STARD8: variants seen among roughly 807,000 people sequenced by gnomAD.
The protein encoded by STARD8 is StAR related lipid transfer domain containing 8.
In STARD8, 25 loss-of-function variants were observed where a neutral mutation model predicts 69.4. That is an observed-to-expected ratio of 0.36 (90% CI 0.26 to 0.50). The LOEUF (loss-of-function observed/expected upper bound fraction) is 0.50. Ranked by LOEUF, STARD8 falls within the 20% of genes least tolerant of loss-of-function variation. STARD8 has a pLI of 0.96. For synonymous variants in STARD8, 389 were observed against 374.6 expected, an observed-to-expected ratio of 1.04 and a Z score of -0.45; for missense variants, 921 against 932.5, an observed-to-expected ratio of 0.99 and a Z score of 0.16.
chrX:68,673,579 C>T (rs1328458997), intron 2 of STARD8, among the ~76,000 whole-genome samples: 1 of 112,151 alleles, frequency 8.9e-6, no homozygotes, highest in Non-Finnish European at 1.9e-5. Context: ...CCTTCCAGAA[C>T]CCCTACTGTT....
intron 2 of STARD8, among the ~76,000 whole-genome samples, chrX:68,683,055 C>T (rs926798710): frequency 2.7e-5 from 3 of 112,456 alleles, no homozygotes; most frequent in East Asian, 5.6e-4. Flanking sequence ...GCTGGACCAG[C>T]CCTGTGCATG....
In STARD8 at chrX:68,725,578, ATGTGTGTG is replaced by A. The variant is rs1175073695; in HGVS notation, c.*1170_*1177del. On this transcript the variant is annotated 3_prime_UTR_variant, in exon 15 of 15. Coordinates refer to ENST00000374599, the MANE Select transcript of STARD8 (RefSeq NM_001142503.3). ...CTAATATATATATATATATATATAT[ATGTGTGTG>A]TGTGTGTGTGTGTATATGTGTTTAT... is the stretch of plus-strand genomic sequence containing the variant. 1 of 94,950 alleles carries A rather than the reference ATGTGTGTG, an allele frequency of 1.1e-5. No homozygotes were observed. 7.8% of individuals were successfully genotyped at this position (94,950 alleles called of 1,213,427 possible). A position where few individuals can be genotyped will look rare whatever the true frequency, so the allele number is the denominator to read the frequency against.
intron 10 of STARD8, 118 bp from the exon 11 acceptor site, chrX:68,721,929 G>A: frequency 3.7e-6 from 3 of 814,153 alleles, no homozygotes; most frequent in East Asian, 6.9e-5. Flanking sequence ...AAGGCAGCAG[G>A]TTGTTTTGTG....
intron 2 of STARD8, among the ~76,000 whole-genome samples, chrX:68,673,243 G>C (rs369860428): frequency 8.9e-6 from 1 of 111,887 alleles, no homozygotes; most frequent in African/African-American, 3.3e-5. Context: ...CTGGCACTCA[G>C]AATCTTCAAT....
chrX:68,668,235 CCT>C (rs1491129733), intron 2 of STARD8, among the ~76,000 whole-genome samples: 3 of 66,019 alleles, frequency 4.5e-5, no homozygotes, highest in East Asian at 4.1e-4. Flanking sequence ...TCTTTTTTCT[CCT>C]CTTTCTTTCT....
intron 2 of STARD8, among the ~76,000 whole-genome samples, chrX:68,688,725 C>T (rs2079852704): frequency 9.0e-6 from 1 of 110,818 alleles, no homozygotes; most frequent in African/African-American, 3.3e-5. Context: ...AGTGGGGCAG[C>T]TTAGCCTCAG....
intron 2 of STARD8, among the ~76,000 whole-genome samples, chrX:68,686,674 C>T (rs2079834892): frequency 8.9e-6 from 1 of 112,951 alleles, no homozygotes; most frequent in African/African-American, 3.2e-5. Context: ...GGTTCCAGCC[C>T]GGTTTTCATC....
At chrX:68,650,702 G>T (rs980417158) in intron 1 of STARD8, among the ~76,000 whole-genome samples, 1 of 110,215 alleles carries the variant, frequency 9.1e-6, no homozygotes, top group Non-Finnish European at 1.9e-5. Flanking sequence ...TACTTGTGGG[G>T]CTGAGGCAGG....
At chrX:68,693,546 C>G in intron 2 of STARD8, 1 of 631,493 alleles carries the variant, frequency 1.6e-6, no homozygotes, top group Non-Finnish European at 1.9e-6. Context: ...GACTTTCTGG[C>G]GAGTCCGGTG....
chrX:68,656,881 T>A (rs1335920577), intron 1 of STARD8, among the ~76,000 whole-genome samples: 1 of 110,704 alleles, frequency 9.0e-6, no homozygotes. Context: ...GGGGGAGGGA[T>A]AGCATTAGGA....
intron 2 of STARD8, among the ~76,000 whole-genome samples, chrX:68,692,263 A>G (rs752397547): frequency 1.4e-3 from 161 of 112,141 alleles, no homozygotes; most frequent in African/African-American, 5.2e-3. Context: ...GCTAGAGGAT[A>G]CGAGGGGCAG....
At chrX:68,699,291 G>A (rs913516718) in intron 2 of STARD8, among the ~76,000 whole-genome samples, 2 of 112,388 alleles carry the variant, frequency 1.8e-5, no homozygotes, top group Non-Finnish European at 3.8e-5. Context: ...GACCTTTAGA[G>A]GGCACTAGGT....
In STARD8 at chrX:68,719,260, G is replaced by A. The variant is rs1374904265; in HGVS notation, c.1751G>A (p.Arg584His). The A allele has an allele frequency of 6.7e-6, 8 of 1,200,520 alleles. No homozygotes were observed. The highest frequency in any genetic ancestry group is 3.0e-5 in the East Asian group (1 of 33,557). Residue 584 changes from arginine to histidine, a missense_variant, in exon 7 of 15, where the codon CGT (arginine) becomes CAT (histidine). By Grantham distance (29) the Arg-to-His change is conservative (BLOSUM62 0). Coordinates refer to ENST00000374599, the MANE Select transcript of STARD8 (RefSeq NM_001142503.3). Reference sequence around the variant, plus strand: ...TGGCATAGCTTCCAGAACTCCCATCGTCCCAGCCTCAACTCAGAGTCGCTG... The same window carrying A: ...TGGCATAGCTTCCAGAACTCCCATCATCCCAGCCTCAACTCAGAGTCGCTG... ...LRWHSFQNSH[R>H]PSLNSESLEI... is the part of the protein sequence containing the mutation.
chrX:68,675,598 A>G (rs2079760438), intron 2 of STARD8, among the ~76,000 whole-genome samples: 1 of 110,002 alleles, frequency 9.1e-6, no homozygotes, highest in African/African-American at 3.3e-5. Context: ...TTCTCCAGCC[A>G]GAAGTCTGAT....
intron 1 of STARD8, among the ~76,000 whole-genome samples, chrX:68,653,451 C>G (rs2147870468): frequency 1.8e-5 from 1 of 55,207 alleles, no homozygotes; most frequent in South Asian, 1.2e-3. Context: ...ACACCTCACA[C>G]CACACACACA....
intron 2 of STARD8, among the ~76,000 whole-genome samples, chrX:68,709,769 G>C (rs1309041345): frequency 9.0e-6 from 1 of 110,520 alleles, no homozygotes; most frequent in African/African-American, 3.3e-5. Context: ...CCTGCAGTGA[G>C]CTGTGATAGC....
At chrX:68,678,823 T>G (rs1279032288) in intron 2 of STARD8, among the ~76,000 whole-genome samples, 3 of 112,081 alleles carry the variant, frequency 2.7e-5, no homozygotes, top group East Asian at 2.8e-4. Flanking sequence ...AGAATAAACC[T>G]AAGTATATAC....
Position 68,722,526 on chromosome X carries a change from G to T in STARD8, c.2679G>T (p.Gly893=). Residue 893 remains glycine (G), a synonymous_variant, in exon 12 of 15, where the codon GGG becomes GGT. Coordinates refer to ENST00000374599, the MANE Select transcript of STARD8 (RefSeq NM_001142503.3). ...AGCTGCGTCAGGCCCAAGCTGCAGGGGTAAGCCTGAGCCTCTACATGGAAG... is the reference window on the plus strand; with the variant it reads ...AGCTGCGTCAGGCCCAAGCTGCAGGTGTAAGCCTGAGCCTCTACATGGAAG... The part of the protein sequence containing the change: ...LAELRQAQAA[G]VSLSLYMEEN... The T allele has an allele frequency of 8.3e-7, 1 of 1,211,912 alleles. No homozygotes were observed. The highest frequency in any genetic ancestry group is 1.1e-6 in the Non-Finnish European group (1 of 895,584).
chrX:68,686,182 A>T (rs887124822), intron 2 of STARD8, among the ~76,000 whole-genome samples: 9 of 110,025 alleles, frequency 8.2e-5, no homozygotes, highest in Non-Finnish European at 1.3e-4. Flanking sequence ...TCCTATGGTG[A>T]TGGGGAGGCG....
Sources: allele counts gnomAD v4.1 joint callset (sites outside exome capture counted in the v4.1 genomes callset), GRCh38; gene constraint gnomAD v4.1.1; transcripts MANE v1.5; gene names NCBI Gene and HGNC (gene_info 2026-07-23, HGNC 2026-07-21).